Variants in GRIK2 observed in about 807,000 individuals in gnomAD.
GRIK2 encodes the protein glutamate receptor ionotropic, kainate 2.
A neutral mutation model predicts 100.3 loss-of-function variants in GRIK2; 32 were observed. That is an observed-to-expected ratio of 0.32 (90% CI 0.24 to 0.43). The LOEUF (loss-of-function observed/expected upper bound fraction) is 0.43. GRIK2 is among the 20% of genes least tolerant of loss of function. The pLI is 1.00. For synonymous variants in GRIK2, 417 were observed against 389.4 expected (o/e 1.07, Z -0.83); for missense variants, 843 against 1,114.9 (o/e 0.76, Z 3.47).
intron 7 of GRIK2, among the ~76,000 whole-genome samples, chr6:101,767,884 G>T (rs1179190337): frequency 1.3e-5 from 2 of 151,656 alleles, no homozygotes; most frequent in South Asian, 2.1e-4. Flanking sequence ...TTGAAACAGG[G>T]TCTGCCTCTG....
At chr6:101,396,381 C>G (rs1228326760) in intron 1 of GRIK2, among the ~76,000 whole-genome samples, 2 of 152,046 alleles carry the variant, frequency 1.3e-5, no homozygotes, top group African/African-American at 4.8e-5. Context: ...TCTTTAGCCA[C>G]TGAATATTGA....
chr6:101,547,094 G>A (rs1444852274), intron 2 of GRIK2, among the ~76,000 whole-genome samples: 1 of 151,840 alleles, frequency 6.6e-6, no homozygotes, highest in East Asian at 1.9e-4. Flanking sequence ...GCCTCCCAAA[G>A]TGCTGGGATT....
chr6:101,563,184 C>A (rs1172815060), intron 2 of GRIK2, among the ~76,000 whole-genome samples: 1 of 152,164 alleles, frequency 6.6e-6, no homozygotes, highest in Non-Finnish European at 1.5e-5. Flanking sequence ...CAAGTGAAAA[C>A]TGAGGCATGA....
chr6:101,743,931 C>T (rs773735834), intron 7 of GRIK2, among the ~76,000 whole-genome samples: 1 of 151,918 alleles, frequency 6.6e-6, no homozygotes, highest in Non-Finnish European at 1.5e-5. Context: ...GAAGTGTACA[C>T]TGTAGCAATA....
At chr6:101,902,343 A>G (rs1562476123) in intron 12 of GRIK2, among the ~76,000 whole-genome samples, 1 of 152,010 alleles carries the variant, frequency 6.6e-6, no homozygotes, top group South Asian at 2.1e-4. Flanking sequence ...TTGACATACA[A>G]ATATACACAA....
At chr6:101,588,662 G>GCACATGCACA (rs1554224611) in intron 2 of GRIK2, among the ~76,000 whole-genome samples, 5 of 146,220 alleles carry the variant, frequency 3.4e-5, no homozygotes, top group African/African-American at 1.0e-4. Flanking sequence ...TGACACACAC[G>GCACATGCACA]CACACGCACA....
intron 2 of GRIK2, among the ~76,000 whole-genome samples, chr6:101,420,684 C>T (rs1776370473): frequency 1.3e-5 from 2 of 152,170 alleles, no homozygotes; most frequent in Admixed American, 6.5e-5. Flanking sequence ...TAAACAGCAA[C>T]TCTGTGTCAG....
At chr6:101,842,188 G>T (rs569527498) in intron 10 of GRIK2, among the ~76,000 whole-genome samples, 6 of 151,946 alleles carry the variant, frequency 3.9e-5, no homozygotes, top group African/African-American at 1.5e-4. Context: ...ATTTCCCCCC[G>T]GACTTTCTAA....
At chr6:101,541,893 C>T (rs1325063290) in intron 2 of GRIK2, among the ~76,000 whole-genome samples, 1 of 141,612 alleles carries the variant, frequency 7.1e-6, no homozygotes, top group African/African-American at 2.7e-5. Flanking sequence ...ACTTCATCTT[C>T]TCTTTTGTTC....
chr6:101,700,819 A>T (rs1311471379), intron 7 of GRIK2, among the ~76,000 whole-genome samples: 2 of 152,116 alleles, frequency 1.3e-5, no homozygotes, highest in African/African-American at 4.8e-5. Flanking sequence ...GCTTCCTGCA[A>T]TTCAAGCCTG....
intron 2 of GRIK2, among the ~76,000 whole-genome samples, chr6:101,454,519 T>G (rs568522967): frequency 6.6e-6 from 1 of 152,262 alleles, no homozygotes; most frequent in South Asian, 2.1e-4. Flanking sequence ...AGGTGCTGTT[T>G]TATGCCCTTC....
chr6:101,547,548 C>T (rs1057471458), intron 2 of GRIK2, among the ~76,000 whole-genome samples: 1 of 152,096 alleles, frequency 6.6e-6, no homozygotes, highest in Non-Finnish European at 1.5e-5. Flanking sequence ...CAATTTCCAC[C>T]TATGAGTGAG....
At chr6:101,569,208 T>C (rs1035359987) in intron 2 of GRIK2, among the ~76,000 whole-genome samples, 1 of 151,902 alleles carries the variant, frequency 6.6e-6, no homozygotes, top group Non-Finnish European at 1.5e-5. Flanking sequence ...TTAATTTTAA[T>C]TCAAAAAAAC....
intron 11 of GRIK2, among the ~76,000 whole-genome samples, chr6:101,860,732 GA>G (rs1401131415): frequency 2.0e-5 from 3 of 152,188 alleles, no homozygotes; most frequent in South Asian, 2.1e-4. Context: ...CTTCTTTAGG[GA>G]AAAAAGTCTA....
At chr6:101,633,357 C>G (rs1780856358) in intron 4 of GRIK2, among the ~76,000 whole-genome samples, 1 of 152,124 alleles carries the variant, frequency 6.6e-6, no homozygotes, top group Non-Finnish European at 1.5e-5. Flanking sequence ...TCAGGACATT[C>G]TAGACTGAAA....
rs58349222 is a variant in GRIK2 at position 101,576,888 on chromosome 6, GA to G, written c.116-45051del. On this transcript the variant is annotated intron_variant, in intron 2 of 16. Coordinates refer to ENST00000369134, the MANE Select transcript of GRIK2 (RefSeq NM_021956.5). ...GAGACACAAACAAGATCCATTTCAG[GA>G]AAAAAAAAATGTCCTTGTAGTACAT... Among the ~76,000 whole-genome samples, 152 of 148,128 alleles carry G rather than the reference GA, an allele frequency of 1.0e-3. 1 individual carries two copies. The highest frequency in any genetic ancestry group is 8.1e-3 in the South Asian group (38 of 4,678).
intron 2 of GRIK2, among the ~76,000 whole-genome samples, chr6:101,602,169 T>G (rs894585813): frequency 2.6e-5 from 4 of 151,748 alleles, no homozygotes; most frequent in Non-Finnish European, 4.4e-5. Flanking sequence ...TCCCTTAATT[T>G]TATTGTTTAT....
chr6:101,461,854 C>G (rs79876923), intron 2 of GRIK2, among the ~76,000 whole-genome samples: 16 of 151,996 alleles, frequency 1.1e-4, no homozygotes, highest in African/African-American at 3.9e-4. Context: ...TTGTTTTATA[C>G]GTCCTAAAGC....
At chr6:101,670,279 G>A (rs1262492570) in intron 4 of GRIK2, among the ~76,000 whole-genome samples, 1 of 152,080 alleles carries the variant, frequency 6.6e-6, no homozygotes, top group Non-Finnish European at 1.5e-5. Context: ...ATGAATGAAT[G>A]AAGATAACAT....
Sources: allele counts gnomAD v4.1 joint callset (sites outside exome capture counted in the v4.1 genomes callset), GRCh38; gene constraint gnomAD v4.1.1; transcripts MANE v1.5; gene names NCBI Gene and HGNC (gene_info 2026-07-23, HGNC 2026-07-21).